The following PARVA variants were observed in gnomAD, a reference collection of about 807,000 sequenced individuals.
PARVA encodes the protein parvin alpha.
PARVA carries 25 observed loss-of-function variants against 52.6 expected under a neutral mutation model. The ratio of observed to expected loss-of-function variants is 0.48; its 90% CI spans 0.35 to 0.66. The LOEUF (loss-of-function observed/expected upper bound fraction) is 0.66. Among genes scored for constraint, PARVA ranks in the 30% least tolerant of loss-of-function variants. The pLI, the probability that PARVA is intolerant of heterozygous loss-of-function variation, is 0.01. For synonymous variants in PARVA, 185 were observed against 179.1 expected (o/e 1.03, Z -0.26); for missense variants, 373 against 450.9 (o/e 0.83, Z 1.56).
chr11:12,456,559 AT>A (rs1486667250), intron 1 of PARVA, among the ~76,000 whole-genome samples: 4 of 151,992 alleles, frequency 2.6e-5, no homozygotes, highest in African/African-American at 7.3e-5. Context: ...CATACTTGGT[AT>A]GTTCTGGCTT....
At chr11:12,525,803 G>T (rs1485856241) in intron 12 of PARVA, among the ~76,000 whole-genome samples, 1 of 152,256 alleles carries the variant, frequency 6.6e-6, no homozygotes, top group Non-Finnish European at 1.5e-5. Flanking sequence ...CCTCTCCATG[G>T]GTCTCTGGAA....
At chr11:12,405,419 G>T (rs1432343159) in intron 1 of PARVA, among the ~76,000 whole-genome samples, 1 of 152,134 alleles carries the variant, frequency 6.6e-6, no homozygotes, top group Non-Finnish European at 1.5e-5. Context: ...ATAAAGAAAA[G>T]CCAGGAGTGT....
chr11:12,465,110 A>C (rs138388716), intron 1 of PARVA, among the ~76,000 whole-genome samples: 2,206 of 152,262 alleles, frequency 0.014, 48 homozygotes, highest in African/African-American at 0.046. Context: ...TGTACAGCCT[A>C]GTTCCTAACA....
intron 1 of PARVA, among the ~76,000 whole-genome samples, chr11:12,444,958 C>T (rs1454037003): frequency 1.3e-5 from 2 of 152,186 alleles, no homozygotes; most frequent in Non-Finnish European, 2.9e-5. Flanking sequence ...GAGGGCTTGT[C>T]GTATAAAGAA....
chr11:12,519,763 G>A (rs1187932733), intron 12 of PARVA, among the ~76,000 whole-genome samples: 2 of 152,160 alleles, frequency 1.3e-5, no homozygotes, highest in African/African-American at 2.4e-5. Flanking sequence ...AGCCAACAAA[G>A]GTCAACTCCT....
At chr11:12,426,095 G>T (rs1417675024) in intron 1 of PARVA, among the ~76,000 whole-genome samples, 1 of 152,156 alleles carries the variant, frequency 6.6e-6, no homozygotes, top group African/African-American at 2.4e-5. Flanking sequence ...CAGTACCGGG[G>T]GAGACGTATT....
intron 6 of PARVA, among the ~76,000 whole-genome samples, chr11:12,505,718 A>G (rs12800244): frequency 6.6e-6 from 1 of 152,210 alleles, no homozygotes. Context: ...TATGTCTGCT[A>G]TGGATATGTG....
intron 3 of PARVA, 41 bp downstream of exon 3, chr11:12,474,024 C>T (rs1404067955): frequency 3.4e-6 from 5 of 1,483,938 alleles, no homozygotes; most frequent in Non-Finnish European, 4.6e-6. Context: ...CCTCACTGAC[C>T]CACCATGTGT....
chr11:12,437,879 T>C (rs1454316429), intron 1 of PARVA, among the ~76,000 whole-genome samples: 1 of 152,188 alleles, frequency 6.6e-6, no homozygotes, highest in Non-Finnish European at 1.5e-5. Flanking sequence ...GAAGCATTCA[T>C]CATGGAGTTG....
intron 1 of PARVA, among the ~76,000 whole-genome samples, chr11:12,398,561 C>T (rs1449184525): frequency 6.7e-6 from 1 of 150,186 alleles, no homozygotes; most frequent in Admixed American, 6.6e-5. Context: ...AGTCTAGCCT[C>T]TAGGGACCCC....
intron 1 of PARVA, among the ~76,000 whole-genome samples, chr11:12,417,878 C>T (rs952290692): frequency 2.6e-5 from 4 of 152,304 alleles, no homozygotes; most frequent in South Asian, 4.1e-4. Flanking sequence ...CTGGGCAGCT[C>T]CCAGGGGCGA....
chr11:12,397,141 C>T (rs1227882820), intron 1 of PARVA, among the ~76,000 whole-genome samples: 1 of 152,196 alleles, frequency 6.6e-6, no homozygotes, highest in Non-Finnish European at 1.5e-5. Context: ...CCACTCAATG[C>T]ATAAAGGTGT....
intron 5 of PARVA, 61 bp from the exon 6 acceptor site, chr11:12,504,253 G>A (rs949861529): frequency 6.5e-6 from 6 of 923,754 alleles, no homozygotes; most frequent in Non-Finnish European, 8.8e-6. Flanking sequence ...TTGAACATCT[G>A]CTTATATTGC....
At chr11:12,477,103 T>A (rs1312165065) in intron 3 of PARVA, 2 of 152,314 alleles carry the variant, frequency 1.3e-5, no homozygotes, top group Non-Finnish European at 2.9e-5. Context: ...ACTTAACTTT[T>A]TTTTTTTTTT....
At chr11:12,449,492 T>G (rs1490501300) in intron 1 of PARVA, among the ~76,000 whole-genome samples, 1 of 152,182 alleles carries the variant, frequency 6.6e-6, no homozygotes, top group African/African-American at 2.4e-5. Flanking sequence ...GAAGCACCAT[T>G]TAAGGCTCTG....
At chr11:12,447,748 T>C (rs1318930814) in intron 1 of PARVA, among the ~76,000 whole-genome samples, 1 of 152,076 alleles carries the variant, frequency 6.6e-6, no homozygotes, top group Admixed American at 6.5e-5. Flanking sequence ...TCAAAATTTA[T>C]AAAAGGAAGA....
At chr11:12,455,688 G>C (rs901003224) in intron 1 of PARVA, among the ~76,000 whole-genome samples, 1 of 152,118 alleles carries the variant, frequency 6.6e-6, no homozygotes, top group Non-Finnish European at 1.5e-5. Context: ...ATTGCTTTTA[G>C]TGGGTAATAG....
At chr11:12,502,805 A>T (rs1229211673) in intron 5 of PARVA, among the ~76,000 whole-genome samples, 1 of 148,388 alleles carries the variant, frequency 6.7e-6, no homozygotes, top group Non-Finnish European at 1.5e-5. Context: ...AACTATTTTC[A>T]TTTTTTTTTT....
intron 1 of PARVA, among the ~76,000 whole-genome samples, chr11:12,443,188 T>TTTTTTTC (rs1940493850): frequency 7.0e-6 from 1 of 141,992 alleles, no homozygotes; most frequent in Non-Finnish European, 1.5e-5. Flanking sequence ...TTTTTTTTTT[T>TTTTTTTC]TTGAGATGGA....
Sources: gnomAD v4.1 joint callset for allele counts (sites outside exome capture counted in the v4.1 genomes callset) on GRCh38, gnomAD v4.1.1 for gene constraint, MANE v1.5 for transcripts, NCBI Gene and HGNC (gene_info 2026-07-23, HGNC 2026-07-21) for gene names.